SLC35F3: variants seen among roughly 807,000 people sequenced by gnomAD.
SLC35F3 encodes solute carrier family 35 member F3.
Under a neutral mutation model 49.9 loss-of-function variants are expected in SLC35F3, and 25 were observed. That is an observed-to-expected ratio of 0.50 (90% CI 0.37 to 0.70). SLC35F3 has a LOEUF of 0.70. Among genes scored for constraint, SLC35F3 ranks in the 30% least tolerant of loss-of-function variants. The probability of loss-of-function intolerance (pLI) is 0.00; values close to 1 mark genes in which losing one functional copy is unlikely to be tolerated. For missense variants in SLC35F3, 525 were observed against 639.8 expected, an observed-to-expected ratio of 0.82 and a Z score of 1.94; for synonymous variants, 275 against 265.4, an observed-to-expected ratio of 1.04 and a Z score of -0.35.
At chr1:234,070,166 C>T (rs564745441) in intron 2 of SLC35F3, among the ~76,000 whole-genome samples, 2 of 152,156 alleles carry the variant, frequency 1.3e-5, no homozygotes, top group Non-Finnish European at 2.9e-5. Flanking sequence ...CCTTAGAGCC[C>T]TGTACAAACA....
At chr1:234,052,491 T>C (rs148732210) in intron 2 of SLC35F3, among the ~76,000 whole-genome samples, 11,625 of 152,262 alleles carry the variant, frequency 0.076, 1,190 homozygotes, top group African/African-American at 0.23. Context: ...ATATCCCCTT[T>C]ATCATATTTT....
At chr1:233,972,117 A>G (rs11587123) in intron 2 of SLC35F3, among the ~76,000 whole-genome samples, 31,227 of 152,184 alleles carry the variant, frequency 0.21, 3,440 homozygotes, top group East Asian at 0.38. Context: ...CATGACAACT[A>G]AGGTTGCTGG....
chr1:234,209,085 T>C (rs1490194801), intron 2 of SLC35F3, among the ~76,000 whole-genome samples: 2 of 152,176 alleles, frequency 1.3e-5, no homozygotes, highest in Non-Finnish European at 2.9e-5. Flanking sequence ...AGGTGCCCAA[T>C]GATCTCATCA....
intron 2 of SLC35F3, among the ~76,000 whole-genome samples, chr1:234,058,328 ATTTTTTT>A (rs56960667): frequency 8.0e-4 from 32 of 39,792 alleles, no homozygotes; most frequent in African/African-American, 3.6e-3. Flanking sequence ...ATGTTCCTGA[ATTTTTTT>A]TTTTTTTTTT....
intron 2 of SLC35F3, among the ~76,000 whole-genome samples, chr1:234,044,679 C>A (rs1480326607): frequency 6.6e-6 from 1 of 152,106 alleles, no homozygotes; most frequent in Non-Finnish European, 1.5e-5. Flanking sequence ...TTTGCATTTC[C>A]TAGATTACCA....
At chr1:233,994,212 T>C (rs1663420400) in intron 2 of SLC35F3, among the ~76,000 whole-genome samples, 1 of 152,194 alleles carries the variant, frequency 6.6e-6, no homozygotes, top group African/African-American at 2.4e-5. Flanking sequence ...GATAAAATCG[T>C]ATGAGCCCTT....
At position 233,957,735 on chromosome 1, in the gene SLC35F3, A is replaced by T. The variant is rs1369284316; in HGVS notation, c.283+51977A>T. ...GAGGCTGAGGCAGGAGAATCACTTGAACCCAAGAGGATGAGGTTGCATTGA... is the reference window on the plus strand; with the variant it reads ...GAGGCTGAGGCAGGAGAATCACTTGTACCCAAGAGGATGAGGTTGCATTGA... On this transcript the variant is annotated intron_variant, in intron 2 of 7. Transcript: ENST00000366618. The surrounding 1 kb of genome is among the most constrained non-coding windows in gnomAD (Gnocchi z 4.0). 6.6e-6 allele frequency among the ~76,000 whole-genome samples: 1 copy of T among 152,164 alleles called. No individual in the cohort carries two copies. The highest frequency in any genetic ancestry group is 6.5e-5 in the Admixed American group (1 of 15,282).
chr1:234,265,810 A>T (rs1667969787), intron 3 of SLC35F3, among the ~76,000 whole-genome samples: 1 of 152,134 alleles, frequency 6.6e-6, no homozygotes, highest in Non-Finnish European at 1.5e-5. Flanking sequence ...CACATGATGG[A>T]GGCCCTGATC....
chr1:233,967,653 A>G (rs2102815372), intron 2 of SLC35F3, among the ~76,000 whole-genome samples: 1 of 152,346 alleles, frequency 6.6e-6, no homozygotes, highest in South Asian at 2.1e-4. Context: ...TCTAGAAACT[A>G]CATGCAGGAT....
intron 2 of SLC35F3, among the ~76,000 whole-genome samples, chr1:234,001,104 A>T (rs1663546661): frequency 6.6e-6 from 1 of 152,194 alleles, no homozygotes; most frequent in Non-Finnish European, 1.5e-5. Flanking sequence ...CATCTGGAAA[A>T]GCTCTTTTTT....
intron 3 of SLC35F3, among the ~76,000 whole-genome samples, chr1:234,307,504 G>C (rs1157885457): frequency 1.3e-5 from 2 of 152,202 alleles, no homozygotes; most frequent in Non-Finnish European, 2.9e-5. Context: ...TTGATAGGAA[G>C]ACTAGACAGT....
chr1:234,300,294 C>A, intron 3 of SLC35F3, among the ~76,000 whole-genome samples: 1 of 152,220 alleles, frequency 6.6e-6, no homozygotes, highest in South Asian at 2.1e-4. Flanking sequence ...CTGCACCATT[C>A]TCTACAAAAT....
chr1:234,320,549 C>T lies in SLC35F3; in HGVS notation c.1237+362C>T, dbSNP rs1657591639. Among the ~76,000 whole-genome samples the T allele has an allele frequency of 6.6e-6, 1 of 152,130 alleles. No homozygotes were observed. Among genetic ancestry groups the T allele is most frequent in the Admixed American group, 6.5e-5 (1 of 15,274 alleles). On this transcript the variant is annotated intron_variant, in intron 7 of 7. Transcript: ENST00000366618. The surrounding 1 kb of genome is among the most constrained non-coding windows in gnomAD (Gnocchi z 4.8). The stretch of plus-strand genomic sequence containing the variant: ...GTATGGGGAGCAGAATGAATCTCAT[C>T]AGCATTATTAACAAATGTAGGAAAT...
rs868303320 is a variant in SLC35F3 at position 233,927,433 on chromosome 1, A to G, written c.283+21675A>G. On this transcript the variant is annotated intron_variant, in intron 2 of 7. Coordinates refer to ENST00000366618, the MANE Select transcript of SLC35F3 (RefSeq NM_173508.4). ...AAATTTATACCTATAACAACAAAAA[A>G]TAAGAATAAGATTGATGCTAAACTC... is the stretch of plus-strand genomic sequence containing the variant. Among the ~76,000 whole-genome samples, 98 of 152,318 alleles carry G rather than the reference A, an allele frequency of 6.4e-4. 1 individual carries two copies. The highest frequency in any genetic ancestry group is 2.3e-3 in the African/African-American group (96 of 41,588).
intron 2 of SLC35F3, among the ~76,000 whole-genome samples, chr1:234,215,250 C>CCT (rs1412074851): frequency 6.6e-6 from 1 of 152,148 alleles, no homozygotes; most frequent in African/African-American, 2.4e-5. Flanking sequence ...CCCGTGTTGT[C>CCT]CTTTCTGCCT....
intron 4 of SLC35F3, among the ~76,000 whole-genome samples, 200 bp downstream of exon 4, chr1:234,309,520 T>C (rs577174537): frequency 1.3e-5 from 2 of 152,248 alleles, no homozygotes; most frequent in African/African-American, 2.4e-5. Flanking sequence ...CAAACCATAC[T>C]AGACAAGCAT....
chr1:234,163,058 C>T lies in SLC35F3; in HGVS notation c.284-68359C>T, dbSNP rs919342575. On this transcript the variant is annotated intron_variant, in intron 2 of 7. Coordinates refer to ENST00000366618, the MANE Select transcript of SLC35F3 (RefSeq NM_173508.4). ...ACTCCACTCTCCATCACAGCTCCCA[C>T]AGCTCCTTGCACAGACCGTTTTGCT... Among the ~76,000 whole-genome samples, 2 of 152,228 alleles carry T rather than the reference C, an allele frequency of 1.3e-5. 1 individual carries two copies. The highest frequency in any genetic ancestry group is 4.1e-4 in the South Asian group (2 of 4,828).
intron 2 of SLC35F3, among the ~76,000 whole-genome samples, chr1:234,137,112 C>T (rs1231602829): frequency 6.6e-6 from 1 of 152,198 alleles, no homozygotes; most frequent in Non-Finnish European, 1.5e-5. Context: ...ATCCAAATAA[C>T]ACAGGGCCAT....
intron 2 of SLC35F3, among the ~76,000 whole-genome samples, chr1:233,988,854 A>C (rs1663310464): frequency 6.6e-6 from 1 of 152,118 alleles, no homozygotes; most frequent in African/African-American, 2.4e-5. Flanking sequence ...GAAGATTCCA[A>C]CCCTACTCCT....
Sources: allele counts gnomAD v4.1 joint callset (sites outside exome capture counted in the v4.1 genomes callset), GRCh38; gene constraint gnomAD v4.1.1; non-coding constraint Gnocchi (gnomAD v3.1); transcripts MANE v1.5; gene names NCBI Gene and HGNC (gene_info 2026-07-23, HGNC 2026-07-21).